NUP160: variants seen among roughly 807,000 people sequenced by gnomAD.
NUP160 encodes nuclear pore complex protein Nup160.
A neutral mutation model predicts 196.9 loss-of-function variants in NUP160; 94 were observed. The observed-to-expected ratio is 0.48, with a 90% CI of 0.40 to 0.57. NUP160 has a LOEUF of 0.57. Ranked by LOEUF, NUP160 falls within the 20% of genes least tolerant of loss-of-function variation. NUP160 has a pLI of 0.00. For missense variants in NUP160, 1,638 were observed against 1,748.3 expected (o/e 0.94, Z 1.13); for synonymous variants, 605 against 619.7 (o/e 0.98, Z 0.35).
intron 7 of NUP160, among the ~76,000 whole-genome samples, chr11:47,828,263 C>T (rs1852009619): frequency 6.6e-6 from 1 of 151,888 alleles, no homozygotes; most frequent in Non-Finnish European, 1.5e-5. Context: ...AGCAAAGTTG[C>T]AAGATACAAT....
intron 31 of NUP160, among the ~76,000 whole-genome samples, chr11:47,787,896 T>C (rs1363349224): frequency 6.6e-6 from 1 of 151,986 alleles, no homozygotes; most frequent in Non-Finnish European, 1.5e-5. Context: ...TTTTTTTGTA[T>C]TATTTTTAGT....
chr11:47,786,388 C>CA, intron 32 of NUP160, 65 bp downstream of exon 32: 1 of 977,322 alleles, frequency 1.0e-6, no homozygotes, highest in Non-Finnish European at 1.6e-6. Context: ...ACAATTTAGT[C>CA]AGAGAAAGAC....
intron 11 of NUP160, among the ~76,000 whole-genome samples, chr11:47,816,308 G>A (rs2097684433): frequency 6.6e-6 from 1 of 152,196 alleles, no homozygotes; most frequent in South Asian, 2.1e-4. Context: ...AAGAGGTAGT[G>A]ACAAAGTGGT....
chr11:47,786,563 A>G lies in NUP160; in HGVS notation c.3747-9T>C. ...ATTGCAATTTGATGCATCTGGAATG[A>G]AAATGGTTCCACACTTGAAAACTGA... On this transcript the variant is annotated splice_polypyrimidine_tract_variant and intron_variant, in intron 31 of 35. Transcript: ENST00000378460. The G allele has an allele frequency of 6.3e-7, 1 of 1,581,662 alleles. No individual in the cohort carries two copies. Among genetic ancestry groups the G allele is most frequent in the Non-Finnish European group, 8.7e-7 (1 of 1,150,730 alleles).
At chr11:47,782,128 T>TA (rs1229937960) in intron 34 of NUP160, among the ~76,000 whole-genome samples, 1 of 150,466 alleles carries the variant, frequency 6.6e-6, no homozygotes, top group African/African-American at 2.5e-5. Context: ...CCAAAAATAT[T>TA]AAAAAATTAG....
chr11:47,832,837 T>A (rs1852103729), intron 7 of NUP160, among the ~76,000 whole-genome samples: 1 of 152,240 alleles, frequency 6.6e-6, no homozygotes, highest in South Asian at 2.1e-4. Context: ...TGACAACACA[T>A]GCTACATGGA....
chr11:47,793,143 A>G (rs760328380), intron 27 of NUP160, among the ~76,000 whole-genome samples, 197 bp from the exon 28 acceptor site: 16 of 151,686 alleles, frequency 1.1e-4, no homozygotes, highest in Non-Finnish European at 2.2e-4. Flanking sequence ...CACGACCACC[A>G]CGCCCGGCTA....
At chr11:47,784,805 G>A in intron 33 of NUP160, 117 bp downstream of exon 33, 1 of 728,338 alleles carries the variant, frequency 1.4e-6, no homozygotes, top group East Asian at 3.1e-5. Context: ...GCCTACCAAT[G>A]TGCGGGCATG....
At chr11:47,800,893 C>T (rs1045919817) in intron 23 of NUP160, among the ~76,000 whole-genome samples, 1 of 152,114 alleles carries the variant, frequency 6.6e-6, no homozygotes, top group African/African-American at 2.4e-5. Context: ...AAAAGCTTTT[C>T]TGCACAGGCC....
intron 13 of NUP160, 98 bp downstream of exon 13, chr11:47,815,381 G>A (rs1439548814): frequency 1.1e-5 from 10 of 872,856 alleles, no homozygotes; most frequent in Non-Finnish European, 1.2e-5. Flanking sequence ...ACTAACATTC[G>A]GCAAGAGCCA....
intron 7 of NUP160, among the ~76,000 whole-genome samples, chr11:47,829,591 G>A (rs577145371): frequency 6.6e-6 from 1 of 152,266 alleles, no homozygotes; most frequent in Admixed American, 6.5e-5. Flanking sequence ...ACAGGCATGA[G>A]CCACCGCACT....
At chr11:47,791,025 C>CT (rs1313635086) in intron 29 of NUP160, among the ~76,000 whole-genome samples, 1 of 152,028 alleles carries the variant, frequency 6.6e-6, no homozygotes, top group Non-Finnish European at 1.5e-5. Flanking sequence ...ATAGATATGC[C>CT]TTTTTTTATA....
At chr11:47,804,143 T>C (rs1414683096) in intron 21 of NUP160, among the ~76,000 whole-genome samples, 1 of 149,644 alleles carries the variant, frequency 6.7e-6, no homozygotes, top group Non-Finnish European at 1.5e-5. Context: ...ATCATGCCAC[T>C]GCACTCCAGC....
In NUP160 at chr11:47,847,976, G is replaced by A. The variant is rs990752671; in HGVS notation, c.203-17C>T. The A allele has an allele frequency of 1.3e-6, 2 of 1,594,026 alleles. No homozygotes were observed. The highest frequency in any genetic ancestry group is 1.1e-5 in the South Asian group (1 of 90,702). On this transcript the variant is annotated splice_polypyrimidine_tract_variant and intron_variant, in intron 1 of 35. Coordinates refer to ENST00000378460, the Ensembl canonical transcript of NUP160. ...TTGCAGTCCCTGCAAAATGAACGTG[G>A]TCAGCCTGCACACGCGTCTTCTGAG...
At chr11:47,815,853 C>G in intron 12 of NUP160, 93 bp downstream of exon 12, 1 of 1,078,854 alleles carries the variant, frequency 9.3e-7, no homozygotes, top group African/African-American at 1.6e-5. Flanking sequence ...CAAACAAGGT[C>G]AAGTGAAGAA....
chr11:47,818,861 A>C (rs1565200957), intron 10 of NUP160, among the ~76,000 whole-genome samples: 1 of 152,222 alleles, frequency 6.6e-6, no homozygotes, highest in Non-Finnish European at 1.5e-5. Flanking sequence ...TCTTGGGATT[A>C]AGAGTGCAGT....
chr11:47,780,199 A>G, intron 35 of NUP160, 144 bp downstream of exon 35: 1 of 592,700 alleles, frequency 1.7e-6, no homozygotes, highest in Admixed American at 2.9e-5. Flanking sequence ...TGCCTTATCT[A>G]TAAAGGGACT....
At position 47,794,891 on chromosome 11, in the gene NUP160, C is replaced by T. The variant is rs534010153; in HGVS notation, c.3290-1945G>A. Reference sequence around the variant, plus strand: ...TTATGCCACTGAACTCCAGCCTAGACGACAGAGCGGGACTCTGTCTCGAAA... The same window carrying T: ...TTATGCCACTGAACTCCAGCCTAGATGACAGAGCGGGACTCTGTCTCGAAA... On this transcript the variant is annotated intron_variant, in intron 27 of 35. Coordinates refer to ENST00000378460, the Ensembl canonical transcript of NUP160. Among the ~76,000 whole-genome samples, 11 of 152,040 alleles carry T rather than the reference C, an allele frequency of 7.2e-5. 1 individual carries two copies. Among genetic ancestry groups the T allele is most frequent in the South Asian group, 2.1e-4 (1 of 4,810 alleles).
chr11:47,846,112 G>C (rs1341881044), intron 2 of NUP160, among the ~76,000 whole-genome samples: 6 of 148,406 alleles, frequency 4.0e-5, no homozygotes, highest in Non-Finnish European at 3.0e-5. Flanking sequence ...CTCCAGCCTG[G>C]ACAATGGAGC....
Sources: allele counts gnomAD v4.1 joint callset (sites outside exome capture counted in the v4.1 genomes callset), GRCh38; gene constraint gnomAD v4.1.1; transcripts MANE v1.5; gene names NCBI Gene and HGNC (gene_info 2026-07-23, HGNC 2026-07-21).